The following CNGB3 variants were observed in gnomAD, a reference collection of about 807,000 sequenced individuals.
The protein encoded by CNGB3 is cyclic nucleotide gated channel subunit beta 3, also known as cyclic nucleotide-gated channel beta-3.
A neutral mutation model predicts 92.8 loss-of-function variants in CNGB3; 86 were observed. The observed-to-expected ratio is 0.93, with a 90% CI of 0.78 to 1.11. CNGB3 has a LOEUF of 1.11. Ranked by LOEUF, CNGB3 falls within the 50% of genes least tolerant of loss-of-function variation. CNGB3 has a pLI of 0.00. For synonymous variants in CNGB3, 333 were observed against 332.7 expected (o/e 1.00, Z -0.01); for missense variants, 1,026 against 956.8 (o/e 1.07, Z -0.95).
At chr8:86,672,170 C>T (rs1270148175) in intron 3 of CNGB3, among the ~76,000 whole-genome samples, 1 of 152,122 alleles carries the variant, frequency 6.6e-6, no homozygotes, top group Admixed American at 6.5e-5. Context: ...GTGATCTTGG[C>T]TCACTGCAAT....
intron 13 of CNGB3, among the ~76,000 whole-genome samples, chr8:86,613,809 T>A (rs2131568417): frequency 6.6e-6 from 1 of 150,694 alleles, no homozygotes; most frequent in Non-Finnish European, 1.5e-5. Context: ...TTAAGTTATA[T>A]TCATGGGAAA....
chr8:86,722,185 A>T lies in CNGB3; in HGVS notation c.338+4346T>A, dbSNP rs942083284. Among the ~76,000 whole-genome samples the T allele has an allele frequency of 1.2e-4, 18 of 151,900 alleles. 1 individual carries two copies. The highest frequency in any genetic ancestry group is 5.9e-4 in the Admixed American group (9 of 15,248). On this transcript the variant is annotated intron_variant, in intron 3 of 17. Coordinates refer to ENST00000320005, the MANE Select transcript of CNGB3 (RefSeq NM_019098.5). ...AACCACTTAACCTATCAGCCATTCA[A>T]CTCTGTCTCCTTTTTCAGACATAGC...
At chr8:86,646,606 A>C (rs1329747624) in intron 8 of CNGB3, among the ~76,000 whole-genome samples, 1 of 151,228 alleles carries the variant, frequency 6.6e-6, no homozygotes, top group Non-Finnish European at 1.5e-5. Flanking sequence ...TTCAACAGAC[A>C]GCTGCAACTA....
intron 11 of CNGB3, among the ~76,000 whole-genome samples, chr8:86,630,091 A>T (rs1822932002): frequency 6.6e-6 from 1 of 152,184 alleles, no homozygotes; most frequent in South Asian, 2.1e-4. Flanking sequence ...TTTAGAGCCA[A>T]AAAATTCTTC....
At chr8:86,729,517 C>T (rs560633858) in intron 2 of CNGB3, among the ~76,000 whole-genome samples, 3 of 152,124 alleles carry the variant, frequency 2.0e-5, no homozygotes, top group Admixed American at 2.0e-4. Context: ...TTAATTTCAG[C>T]CTAATTTGAT....
intron 3 of CNGB3, among the ~76,000 whole-genome samples, chr8:86,694,324 C>T (rs1463149205): frequency 6.7e-6 from 1 of 149,872 alleles, no homozygotes; most frequent in Non-Finnish European, 1.5e-5. Context: ...CCTCACCTCC[C>T]GGATGGGGCG....
At chr8:86,721,517 C>T (rs1824970517) in intron 3 of CNGB3, among the ~76,000 whole-genome samples, 1 of 151,808 alleles carries the variant, frequency 6.6e-6, no homozygotes, top group Non-Finnish European at 1.5e-5. Flanking sequence ...ACTCATGTAA[C>T]CAAACACCAC....
intron 3 of CNGB3, among the ~76,000 whole-genome samples, chr8:86,724,649 A>T (rs1433329106): frequency 6.6e-6 from 1 of 152,136 alleles, no homozygotes; most frequent in African/African-American, 2.4e-5. Context: ...CATCAGCAAT[A>T]AATGCTGTGA....
intron 7 of CNGB3, among the ~76,000 whole-genome samples, chr8:86,650,771 A>G (rs545406418): frequency 4.0e-5 from 6 of 151,078 alleles, no homozygotes; most frequent in Non-Finnish European, 8.9e-5. Context: ...TTAAACAACT[A>G]AAAGTAGATC....
intron 6 of CNGB3, chr8:86,658,901 C>T (rs1823573325): frequency 1.2e-6 from 1 of 828,064 alleles, no homozygotes; most frequent in Non-Finnish European, 2.0e-6. Context: ...AGAGCTCAGC[C>T]TTCTGCTCTA....
chr8:86,600,766 C>T (rs896254707), intron 15 of CNGB3, among the ~76,000 whole-genome samples: 18 of 143,716 alleles, frequency 1.3e-4, no homozygotes, highest in Non-Finnish European at 2.1e-4. Context: ...CCCACCACCA[C>T]GCTCGGCTAA....
At chr8:86,660,133 A>G (rs1188776903) in intron 6 of CNGB3, 3 of 307,884 alleles carry the variant, frequency 9.7e-6, no homozygotes, top group Non-Finnish European at 2.0e-5. Context: ...TCCTCAGGTG[A>G]ATGGCAACCA....
At chr8:86,722,931 G>C (rs1175992323) in intron 3 of CNGB3, among the ~76,000 whole-genome samples, 1 of 152,038 alleles carries the variant, frequency 6.6e-6, no homozygotes, top group Non-Finnish European at 1.5e-5. Flanking sequence ...TGCAGATCTT[G>C]GGACTCTCAG....
chr8:86,625,732 T>A (rs558915150), intron 13 of CNGB3, among the ~76,000 whole-genome samples: 1 of 152,260 alleles, frequency 6.6e-6, no homozygotes, highest in Non-Finnish European at 1.5e-5. Context: ...ATATTTAAAT[T>A]AATGCAAGAA....
intron 2 of CNGB3, 47 bp from the exon 3 acceptor site, chr8:86,726,704 G>C (rs373828184): frequency 6.8e-6 from 11 of 1,606,348 alleles, no homozygotes; most frequent in Admixed American, 1.7e-5. Flanking sequence ...CAACACTCTT[G>C]ACCCAGCTAT....
intron 15 of CNGB3, among the ~76,000 whole-genome samples, chr8:86,590,981 C>G (rs1423943277): frequency 6.6e-6 from 1 of 152,084 alleles, no homozygotes; most frequent in Non-Finnish European, 1.5e-5. Context: ...GTACACCAAT[C>G]AGACGTAGAT....
At chr8:86,646,468 G>C (rs1315828053) in intron 8 of CNGB3, among the ~76,000 whole-genome samples, 1 of 151,202 alleles carries the variant, frequency 6.6e-6, no homozygotes, top group Non-Finnish European at 1.5e-5. Flanking sequence ...CTCATATGCA[G>C]TGTGTCTGGA....
intron 3 of CNGB3, among the ~76,000 whole-genome samples, chr8:86,722,195 C>CT (rs1026966728): frequency 1.3e-5 from 2 of 152,082 alleles, no homozygotes; most frequent in African/African-American, 4.8e-5. Context: ...ACTCTGTCTC[C>CT]TTTTTCAGAC....
chr8:86,668,314 C>G (rs2131616325), intron 4 of CNGB3, 146 bp from the exon 5 acceptor site: 1 of 425,744 alleles, frequency 2.3e-6, no homozygotes, highest in Non-Finnish European at 4.4e-6. Flanking sequence ...GGGAGGGGAA[C>G]ATCACACACT....
Sources: allele counts gnomAD v4.1 joint callset (sites outside exome capture counted in the v4.1 genomes callset), GRCh38; gene constraint gnomAD v4.1.1; transcripts MANE v1.5; gene names NCBI Gene and HGNC (gene_info 2026-07-23, HGNC 2026-07-21).